Variants in MYH14 observed in about 807,000 individuals in gnomAD.
The protein encoded by MYH14 is myosin heavy chain 14, also known as myosin-14.
Under a neutral mutation model 255.5 loss-of-function variants are expected in MYH14, and 123 were observed. That is an observed-to-expected ratio of 0.48 (90% CI 0.42 to 0.56). MYH14 has a LOEUF of 0.56. MYH14 is among the 20% of genes least tolerant of loss of function. The pLI, the probability that MYH14 is intolerant of heterozygous loss-of-function variation, is 0.00. For synonymous variants in MYH14, 1,095 were observed against 1,161.2 expected (o/e 0.94, Z 1.16); for missense variants, 2,423 against 2,802.3 (o/e 0.86, Z 3.06).
At chr19:50,218,106 C>T (rs1259803681) in intron 3 of MYH14, among the ~76,000 whole-genome samples, 5 of 151,908 alleles carry the variant, frequency 3.3e-5, no homozygotes, top group East Asian at 4.0e-4. Flanking sequence ...AAGCGATTCT[C>T]GTGCCTCAGC....
intron 8 of MYH14, among the ~76,000 whole-genome samples, chr19:50,228,285 CA>C (rs36078426): frequency 0.034 from 4,217 of 125,680 alleles, 140 homozygotes; most frequent in African/African-American, 0.11. Flanking sequence ...GACTCTGTGT[CA>C]AAAAAAAAAA....
At chr19:50,309,467 CT>C (rs2036772130) in intron 42 of MYH14, 172 bp from the exon 43 acceptor site, 2 of 628,150 alleles carry the variant, frequency 3.2e-6, no homozygotes, top group Admixed American at 5.2e-5. Context: ...CCCCCCATTG[CT>C]TCTGCCCGTC....
At position 50,249,350 on chromosome 19, in the gene MYH14, G is replaced by A. The variant is rs1338823689; in HGVS notation, c.1482+211G>A. On this transcript the variant is annotated intron_variant, in intron 13 of 42. Coordinates refer to ENST00000642316, the MANE Select transcript of MYH14 (RefSeq NM_001145809.2). ...TGTCCCCTTCTCTCTCTGGGTCTCTGTCCCCTGTCTCTGGGTCTCTGTCCC... is the reference window on the plus strand; with the variant it reads ...TGTCCCCTTCTCTCTCTGGGTCTCTATCCCCTGTCTCTGGGTCTCTGTCCC... The A allele has an allele frequency of 6.4e-6, 4 of 620,684 alleles. No individual in the cohort carries two copies. The East Asian group carries it at 1.2e-4, about 18-fold the overall frequency. The allele number at this position is 620,684 out of a possible 1,614,324, so 38.4% of individuals were successfully genotyped here. A position where few individuals can be genotyped will look rare whatever the true frequency, so the allele number is the denominator to read the frequency against.
At position 50,252,529 on chromosome 19, in the gene MYH14, AT is replaced by A. The variant is rs1379138646; in HGVS notation, c.1831-109del. Reference sequence around the variant, plus strand: ...AGGTGGCACCAGTGCTCGCTTGTCCATGGTGAGCTCCAGACCTGGGAGTCTC... The same window carrying A: ...AGGTGGCACCAGTGCTCGCTTGTCCAGGTGAGCTCCAGACCTGGGAGTCTC... On this transcript the variant is annotated intron_variant, in intron 15 of 42. Transcript: ENST00000642316. This position sits in a 1 kb window ranked among gnomAD's most constrained non-coding sequence, Gnocchi z 4.2. 1.3e-6 allele frequency: 1 copy of A among 760,838 alleles called. No homozygotes were observed. The highest frequency in any genetic ancestry group is 2.3e-6 in the Non-Finnish European group (1 of 434,440). The allele number at this position is 760,838 out of a possible 1,614,324, so 47.1% of individuals were successfully genotyped here. A position where few individuals can be genotyped will look rare whatever the true frequency, so the allele number is the denominator to read the frequency against.
At chr19:50,305,353 G>A (rs147343599) in intron 40 of MYH14, among the ~76,000 whole-genome samples, 1 of 152,268 alleles carries the variant, frequency 6.6e-6, no homozygotes, top group African/African-American at 2.4e-5. Flanking sequence ...GTGGTGGCAG[G>A]GGAAGAAGAC....
intron 3 of MYH14, among the ~76,000 whole-genome samples, chr19:50,222,220 C>T (rs1195682711): frequency 6.6e-6 from 1 of 152,040 alleles, no homozygotes; most frequent in African/African-American, 2.4e-5. Flanking sequence ...GTGGCTCATA[C>T]CTGTAATCCC....
intron 11 of MYH14, among the ~76,000 whole-genome samples, chr19:50,246,760 C>A (rs139601009): frequency 6.6e-6 from 1 of 152,224 alleles, no homozygotes; most frequent in Non-Finnish European, 1.5e-5. Context: ...AACAACACTG[C>A]GCTGAACATC....
chr19:50,308,911 G>C (rs570834826), intron 41 of MYH14, 94 bp from the exon 42 acceptor site: 5 of 1,221,696 alleles, frequency 4.1e-6, no homozygotes, highest in South Asian at 3.0e-5. Flanking sequence ...GAGAGTCAGG[G>C]GGCAGTAGGG....
intron 1 of MYH14, among the ~76,000 whole-genome samples, chr19:50,208,869 T>C (rs1379694362): frequency 6.6e-6 from 1 of 152,136 alleles, no homozygotes; most frequent in African/African-American, 2.4e-5. Context: ...ATTTAAATTT[T>C]AAGATGGGGC....
chr19:50,271,738 T>G (rs749740768), intron 25 of MYH14, 111 bp from the exon 26 acceptor site: 2 of 1,515,886 alleles, frequency 1.3e-6, no homozygotes, highest in African/African-American at 2.8e-5. Flanking sequence ...CAGAGAAGGG[T>G]GAAAAGGAGC....
At position 50,231,809 on chromosome 19, in the gene MYH14, A is replaced by G; in HGVS notation, c.974-121A>G. The G allele has an allele frequency of 1.4e-5, 20 of 1,388,510 alleles. No homozygotes were observed. In the South Asian group the frequency reaches 2.4e-4, roughly 17 times the overall value. The allele number at this position is 1,388,510 out of a possible 1,614,324, so 86.0% of individuals were successfully genotyped here. A position where few individuals can be genotyped will look rare whatever the true frequency, so the allele number is the denominator to read the frequency against. On this transcript the variant is annotated intron_variant, in intron 9 of 42. Transcript: ENST00000642316. ...ACCCTTCCCACCACACTTGTGAGTA[A>G]AGGCCCCCACCCACTTGACAGTGAG...
intron 8 of MYH14, among the ~76,000 whole-genome samples, chr19:50,228,497 G>T (rs886240848): frequency 6.6e-6 from 1 of 152,090 alleles, no homozygotes; most frequent in Non-Finnish European, 1.5e-5. Flanking sequence ...CAGCCGGCCC[G>T]TTGGTTCTGC....
At chr19:50,279,689 G>A (rs1025082555) in intron 30 of MYH14, among the ~76,000 whole-genome samples, 2 of 152,224 alleles carry the variant, frequency 1.3e-5, no homozygotes, top group East Asian at 1.9e-4. Context: ...TTCTATTGCC[G>A]AATAATGCCC....
intron 33 of MYH14, among the ~76,000 whole-genome samples, chr19:50,284,572 A>G (rs945124229): frequency 9.3e-5 from 14 of 150,874 alleles, no homozygotes; most frequent in Non-Finnish European, 1.9e-4. Context: ...TTTTATTTTT[A>G]GTAAAGACAG....
Position 50,297,743 on chromosome 19 carries a change from G to A in MYH14, c.5470-3918G>A, listed in dbSNP as rs548843583. Reference sequence around the variant, plus strand: ...TCGAACTCCTGATGTCAGGTGATCCGCTGCCTCAGCCTCCCAAATTGCTGG... The same window carrying A: ...TCGAACTCCTGATGTCAGGTGATCCACTGCCTCAGCCTCCCAAATTGCTGG... On this transcript the variant is annotated intron_variant, in intron 39 of 42. Coordinates refer to ENST00000642316, the MANE Select transcript of MYH14 (RefSeq NM_001145809.2). Among the ~76,000 whole-genome samples, 21 of 151,282 alleles carry A rather than the reference G, an allele frequency of 1.4e-4. No homozygotes were observed. The South Asian group carries it at 2.9e-3, about 21-fold the overall frequency.
rs2123370528 is a variant in MYH14 at position 50,266,393 on chromosome 19, T to C, written c.2695-484T>C. On this transcript the variant is annotated intron_variant, in intron 22 of 42. Transcript: ENST00000642316. The surrounding 1 kb of genome is among the most constrained non-coding windows in gnomAD (Gnocchi z 4.1). ...CTGGCCAACATAGCGAAACCCTCTCTACTGAAAGCACAAAAATTAGCCGGA... is the reference window on the plus strand; with the variant it reads ...CTGGCCAACATAGCGAAACCCTCTCCACTGAAAGCACAAAAATTAGCCGGA... Among the ~76,000 whole-genome samples, 1 of 152,148 alleles carries C rather than the reference T, an allele frequency of 6.6e-6. No homozygotes were observed. The highest frequency in any genetic ancestry group is 1.9e-4 in the East Asian group (1 of 5,188).
intron 10 of MYH14, among the ~76,000 whole-genome samples, chr19:50,236,192 G>T (rs140396542): frequency 2.7e-4 from 41 of 152,056 alleles, no homozygotes; most frequent in Non-Finnish European, 5.6e-4. Context: ...AATTACCTGG[G>T]CGTGGTGGTG....
At position 50,230,583 on chromosome 19, in the gene MYH14, C is replaced by T; in HGVS notation, c.933C>T (p.Ile311=). The change falls in exon 9 of 43, where the codon ATC becomes ATT. Residue 311 remains isoleucine (I), a synonymous_variant. Transcript: ENST00000642316. The surrounding 1 kb of genome is among the most constrained non-coding windows in gnomAD (Gnocchi z 4.7). ...RQAKDECSFH[I]FYQLLGGAGE... ...CCAAGGACGAGTGCAGCTTCCACAT[C>T]TTCTACCAGCTGCTGGGGGGCGCTG... is the stretch of plus-strand genomic sequence containing the variant. 1.3e-6 allele frequency: 2 copies of T among 1,570,246 alleles called. No individual in the cohort carries two copies. The highest frequency in any genetic ancestry group is 1.7e-6 in the Non-Finnish European group (2 of 1,158,084).
chr19:50,264,055 C>CAAAAAAAA (rs34015428), intron 22 of MYH14, among the ~76,000 whole-genome samples: 2,303 of 32,860 alleles, frequency 0.07, 130 homozygotes, highest in Admixed American at 0.14. Context: ...AACTCTGTCT[C>CAAAAAAAA]AAAAAAAAAA....
Sources: gnomAD v4.1 joint callset for allele counts (sites outside exome capture counted in the v4.1 genomes callset) on GRCh38, gnomAD v4.1.1 for gene constraint, Gnocchi (gnomAD v3.1) non-coding constraint, MANE v1.5 for transcripts, NCBI Gene and HGNC (gene_info 2026-07-23, HGNC 2026-07-21) for gene names.